ROBO1: variants seen among roughly 807,000 people sequenced by gnomAD.
ROBO1 encodes roundabout homolog 1.
In ROBO1, 149 loss-of-function variants were observed where a neutral mutation model predicts 195.9. That is an observed-to-expected ratio of 0.76 (90% CI 0.67 to 0.87). The LOEUF (loss-of-function observed/expected upper bound fraction) is 0.87, where lower values mean the gene tolerates loss of function less well. ROBO1 is among the 40% of genes least tolerant of loss of function. ROBO1 has a pLI of 0.00. For synonymous variants in ROBO1, 816 were observed against 733.2 expected, an observed-to-expected ratio of 1.11 and a Z score of -1.82; for missense variants, 1,933 against 2,068.3, an observed-to-expected ratio of 0.93 and a Z score of 1.27.
At chr3:79,733,382 G>T (rs1017272065) in intron 1 of ROBO1, among the ~76,000 whole-genome samples, 1 of 152,154 alleles carries the variant, frequency 6.6e-6, no homozygotes, top group African/African-American at 2.4e-5. Context: ...GATATAGGAT[G>T]ACAACATTTT....
intron 4 of ROBO1, among the ~76,000 whole-genome samples, chr3:78,801,150 C>T (rs1182585213): frequency 6.6e-6 from 1 of 152,032 alleles, no homozygotes; most frequent in Non-Finnish European, 1.5e-5. Flanking sequence ...AGATCCAGAA[C>T]ATATTATTAA....
chr3:79,108,370 A>T (rs1559664861), intron 3 of ROBO1, among the ~76,000 whole-genome samples: 1 of 150,370 alleles, frequency 6.7e-6, no homozygotes, highest in African/African-American at 2.5e-5. Context: ...AAAGATAAAT[A>T]AAAAAAAACT....
chr3:79,758,468 T>C (rs927193492), intron 1 of ROBO1, among the ~76,000 whole-genome samples: 2 of 152,196 alleles, frequency 1.3e-5, no homozygotes, highest in African/African-American at 4.8e-5. Context: ...CACAGTCTGA[T>C]TATTAAGATT....
chr3:79,453,931 G>A (rs1269859916), intron 2 of ROBO1, among the ~76,000 whole-genome samples: 2 of 152,040 alleles, frequency 1.3e-5, no homozygotes, highest in Admixed American at 1.3e-4. Context: ...GTTGATTCCA[G>A]GTGCTGAGCC....
intron 3 of ROBO1, among the ~76,000 whole-genome samples, chr3:79,045,546 A>T (rs193170086): frequency 1.3e-5 from 2 of 152,254 alleles, no homozygotes; most frequent in African/African-American, 4.8e-5. Flanking sequence ...CAATATAAAT[A>T]ACACCATACA....
intron 1 of ROBO1, among the ~76,000 whole-genome samples, chr3:79,634,021 A>C (rs1576154173): frequency 6.6e-6 from 1 of 152,170 alleles, no homozygotes. Flanking sequence ...ATTGGGAGGA[A>C]AGAGTGAGTT....
intron 1 of ROBO1, among the ~76,000 whole-genome samples, chr3:79,687,307 G>T (rs1252681883): frequency 6.6e-6 from 1 of 152,034 alleles, no homozygotes; most frequent in Non-Finnish European, 1.5e-5. Context: ...CAGGACATAG[G>T]CATGGGCAAG....
intron 2 of ROBO1, among the ~76,000 whole-genome samples, chr3:79,163,703 G>A (rs1466936397): frequency 1.3e-5 from 2 of 152,014 alleles, no homozygotes; most frequent in Non-Finnish European, 1.5e-5. Context: ...AGGTTTTGTT[G>A]TTGTTGTTGT....
chr3:79,705,530 G>A (rs576396315), intron 1 of ROBO1, among the ~76,000 whole-genome samples: 11 of 151,886 alleles, frequency 7.2e-5, no homozygotes, highest in East Asian at 1.9e-4. Flanking sequence ...CTTCTTTCCC[G>A]TGGATCTATT....
At chr3:79,289,906 G>GT (rs1278470750) in intron 2 of ROBO1, among the ~76,000 whole-genome samples, 3 of 151,982 alleles carry the variant, frequency 2.0e-5, no homozygotes, top group East Asian at 3.9e-4. Flanking sequence ...CCATCAACAG[G>GT]AAGAGATGCA....
At position 79,414,905 on chromosome 3, in the gene ROBO1, C is replaced by T. The variant is rs904497057; in HGVS notation, c.88+174919G>A. Among the ~76,000 whole-genome samples, 4 of 152,120 alleles carry T rather than the reference C, an allele frequency of 2.6e-5. No homozygotes were observed. The East Asian group carries it at 5.8e-4, about 22-fold the overall frequency. On this transcript the variant is annotated intron_variant, in intron 2 of 30. Coordinates refer to ENST00000464233, the MANE Select transcript of ROBO1 (RefSeq NM_002941.4). ...TTTGGCAGTCACATCCTAAATTGCA[C>T]ATGTCCAGAGCTATTTCAACTTAAA... is the stretch of plus-strand genomic sequence containing the variant.
At chr3:79,294,752 A>G (rs962936877) in intron 2 of ROBO1, among the ~76,000 whole-genome samples, 8 of 152,210 alleles carry the variant, frequency 5.3e-5, no homozygotes, top group Non-Finnish European at 1.2e-4. Flanking sequence ...CAAATTTACA[A>G]GAAAAAAACA....
At chr3:79,748,704 G>A (rs1703982488) in intron 1 of ROBO1, among the ~76,000 whole-genome samples, 1 of 152,088 alleles carries the variant, frequency 6.6e-6, no homozygotes. Flanking sequence ...TCTCATGATA[G>A]TGAATAAGTC....
At chr3:79,626,115 C>G (rs1475091197) in intron 1 of ROBO1, among the ~76,000 whole-genome samples, 4 of 152,234 alleles carry the variant, frequency 2.6e-5, no homozygotes, top group East Asian at 1.9e-4. Context: ...TCAATAGATG[C>G]AGAAAAAGCC....
chr3:78,876,830 C>T (rs1050713317), intron 4 of ROBO1, among the ~76,000 whole-genome samples: 14 of 151,868 alleles, frequency 9.2e-5, no homozygotes, highest in African/African-American at 2.9e-4. Flanking sequence ...AGAATAGATA[C>T]GTGAAGACTC....
intron 2 of ROBO1, among the ~76,000 whole-genome samples, chr3:79,166,732 A>T (rs746441343): frequency 3.2e-4 from 49 of 151,232 alleles, no homozygotes; most frequent in Non-Finnish European, 5.9e-4. Context: ...CGCCTGGCTA[A>T]TTTTTTTTGT....
At chr3:79,119,628 C>G (rs1026622757) in intron 3 of ROBO1, among the ~76,000 whole-genome samples, 1 of 151,920 alleles carries the variant, frequency 6.6e-6, no homozygotes, top group Admixed American at 6.6e-5. Flanking sequence ...AGATTTGTAC[C>G]AAGTAGAGAT....
chr3:78,992,799 T>C (rs2077267932), intron 3 of ROBO1, among the ~76,000 whole-genome samples: 1 of 152,072 alleles, frequency 6.6e-6, no homozygotes, highest in Non-Finnish European at 1.5e-5. Context: ...CTAGAAGACA[T>C]TCATGAAATT....
Position 78,598,871 on chromosome 3 carries a change from T to C in ROBO1, c.*42A>G. On this transcript the variant is annotated 3_prime_UTR_variant, in exon 31 of 31. Transcript: ENST00000464233. The stretch of plus-strand genomic sequence containing the variant: ...GTCATCTGACAGGAGGCATCTTGAG[T>C]GATGATTTTCACATTAGATCTCATA... 6.9e-7 allele frequency: 1 copy of C among 1,439,458 alleles called. No homozygotes were observed. The highest frequency in any genetic ancestry group is 2.0e-5 in the Admixed American group (1 of 50,382). The allele number at this position is 1,439,458 out of a possible 1,614,324, so 89.2% of individuals were successfully genotyped here.
Sources: allele counts gnomAD v4.1 joint callset (sites outside exome capture counted in the v4.1 genomes callset), GRCh38; gene constraint gnomAD v4.1.1; transcripts MANE v1.5; gene names NCBI Gene and HGNC (gene_info 2026-07-23, HGNC 2026-07-21).